ARL15: variants seen among roughly 807,000 people sequenced by gnomAD.
The protein encoded by ARL15 is ADP-ribosylation factor-like protein 15.
Under a neutral mutation model 25.2 loss-of-function variants are expected in ARL15, and 19 were observed. The observed-to-expected ratio is 0.75, with a 90% CI of 0.53 to 1.10. ARL15 has a LOEUF of 1.10. ARL15 is among the 50% of genes least tolerant of loss of function. The pLI, the probability that ARL15 is intolerant of heterozygous loss-of-function variation, is 0.00. For missense variants in ARL15, 220 were observed against 246.0 expected (o/e 0.89, Z 0.71); for synonymous variants, 94 against 86.8 (o/e 1.08, Z -0.46).
At chr5:54,219,807 G>T (rs1756319298) in intron 1 of ARL15, among the ~76,000 whole-genome samples, 1 of 152,136 alleles carries the variant, frequency 6.6e-6, no homozygotes, top group Non-Finnish European at 1.5e-5. Context: ...TGGCTAAAAA[G>T]TTCATTCCTG....
intron 4 of ARL15, among the ~76,000 whole-genome samples, chr5:53,977,354 CAAAAA>C (rs397884651): frequency 2.2e-5 from 2 of 90,254 alleles, no homozygotes. Context: ...GACTCCGCCT[CAAAAA>C]AAAAAAAAAA....
At chr5:54,220,651 C>T (rs907510292) in intron 1 of ARL15, among the ~76,000 whole-genome samples, 8 of 152,138 alleles carry the variant, frequency 5.3e-5, no homozygotes, top group Admixed American at 2.6e-4. Context: ...AAGAGACCTT[C>T]GGACGCCGCA....
rs1402857447 is a variant in ARL15 at position 53,886,541 on chromosome 5, C to A, written c.*20G>T. On this transcript the variant is annotated 3_prime_UTR_variant, in exon 5 of 5. Transcript: ENST00000504924. ...TGATAGGTTCAAGGCCTTTTGGGAGCCTGTTTTCTTTGCCAGATTTCACAT... is the reference window on the plus strand; with the variant it reads ...TGATAGGTTCAAGGCCTTTTGGGAGACTGTTTTCTTTGCCAGATTTCACAT... The A allele has an allele frequency of 7.1e-6, 11 of 1,550,302 alleles. No homozygotes were observed. Among genetic ancestry groups the A allele is most frequent in the Non-Finnish European group, 9.6e-6 (11 of 1,147,668 alleles).
At chr5:54,217,197 TTTC>T (rs1756232424) in intron 1 of ARL15, among the ~76,000 whole-genome samples, 1 of 68,258 alleles carries the variant, frequency 1.5e-5, no homozygotes, top group Non-Finnish European at 3.2e-5. Context: ...AGACAATGCT[TTTC>T]TTTTTTTTTT....
chr5:54,217,184 G>T (rs1402887829), intron 1 of ARL15, among the ~76,000 whole-genome samples: 3 of 140,500 alleles, frequency 2.1e-5, no homozygotes, highest in Admixed American at 7.6e-5. Flanking sequence ...TGGAATTTTA[G>T]TAAGACAATG....
intron 4 of ARL15, among the ~76,000 whole-genome samples, chr5:53,925,149 T>C (rs563794709): frequency 6.6e-6 from 1 of 152,148 alleles, no homozygotes; most frequent in East Asian, 1.9e-4. Context: ...CTTGTGCTAC[T>C]TCCTAACTTG....
chr5:54,259,227 C>T (rs1411767110), intron 1 of ARL15, among the ~76,000 whole-genome samples: 1 of 152,206 alleles, frequency 6.6e-6, no homozygotes, highest in Non-Finnish European at 1.5e-5. Context: ...ACTCACCCCA[C>T]ATACACACAC....
chr5:54,205,940 C>G (rs1469516614), intron 1 of ARL15, among the ~76,000 whole-genome samples: 10 of 152,148 alleles, frequency 6.6e-5, no homozygotes, highest in Non-Finnish European at 7.4e-5. Flanking sequence ...TCTAGTGGAA[C>G]AGACTAAATT....
At position 54,032,171 on chromosome 5, in the gene ARL15, T is replaced by C. The variant is rs1750011938; in HGVS notation, c.462+81031A>G. 3.3e-5 allele frequency among the ~76,000 whole-genome samples: 5 copies of C among 152,170 alleles called. No homozygotes were observed. The South Asian group carries it at 1.0e-3, about 32-fold the overall frequency. ...AGAGAGAAAATTTAGAAGACTCTTC[T>C]GGCTTTTAAATTTTTCTTAGGTCTA... On this transcript the variant is annotated intron_variant, in intron 4 of 4. Transcript: ENST00000504924.
At chr5:53,920,913 C>A (rs1275201831) in intron 4 of ARL15, among the ~76,000 whole-genome samples, 1 of 151,974 alleles carries the variant, frequency 6.6e-6, no homozygotes, top group African/African-American at 2.4e-5. Flanking sequence ...TTGTGATGTC[C>A]CCTTTTTGTG....
chr5:54,271,302 G>C (rs1486785884), intron 1 of ARL15, among the ~76,000 whole-genome samples: 3 of 152,136 alleles, frequency 2.0e-5, no homozygotes. Flanking sequence ...CAGTATCCAA[G>C]GGGAATTGGT....
At chr5:54,286,966 A>G (rs1373223313) in intron 1 of ARL15, among the ~76,000 whole-genome samples, 1 of 150,478 alleles carries the variant, frequency 6.6e-6, no homozygotes, top group Non-Finnish European at 1.5e-5. Flanking sequence ...CCTCCTGTCC[A>G]GGATTGCCTC....
intron 1 of ARL15, among the ~76,000 whole-genome samples, chr5:54,294,205 C>T (rs956148604): frequency 1.3e-5 from 2 of 152,328 alleles, no homozygotes; most frequent in Admixed American, 6.5e-5. Context: ...ACTAACCCAG[C>T]GGCTGGCAAA....
chr5:53,984,416 A>G (rs937701490), intron 4 of ARL15, among the ~76,000 whole-genome samples: 3 of 151,770 alleles, frequency 2.0e-5, no homozygotes, highest in Non-Finnish European at 4.4e-5. Context: ...TTTGCTTTCA[A>G]TCTATAAGCT....
chr5:54,015,001 C>T (rs1749368468), intron 4 of ARL15, among the ~76,000 whole-genome samples: 2 of 151,894 alleles, frequency 1.3e-5, no homozygotes, highest in South Asian at 4.2e-4. Flanking sequence ...TACAAATATT[C>T]CTAAACCCAG....
intron 4 of ARL15, among the ~76,000 whole-genome samples, chr5:54,082,721 G>C (rs1751841605): frequency 6.6e-6 from 1 of 152,086 alleles, no homozygotes; most frequent in Non-Finnish European, 1.5e-5. Context: ...TTAATGCTCA[G>C]AAGGAAGATG....
chr5:54,262,883 G>C (rs180886526), intron 1 of ARL15, among the ~76,000 whole-genome samples: 34 of 152,264 alleles, frequency 2.2e-4, no homozygotes, highest in African/African-American at 8.2e-4. Context: ...CTTTAATTCT[G>C]TTTGCCGGGC....
At chr5:53,972,059 G>C (rs1411010761) in intron 4 of ARL15, among the ~76,000 whole-genome samples, 1 of 152,084 alleles carries the variant, frequency 6.6e-6, no homozygotes, top group South Asian at 2.1e-4. Flanking sequence ...GTAAGTTTTT[G>C]ACTGTTGAAC....
At chr5:54,044,492 G>T (rs1463310747) in intron 4 of ARL15, among the ~76,000 whole-genome samples, 1 of 151,978 alleles carries the variant, frequency 6.6e-6, no homozygotes, top group African/African-American at 2.4e-5. Context: ...TGATCCACCC[G>T]CCTTGGCCTC....
Sources: allele counts gnomAD v4.1 joint callset (sites outside exome capture counted in the v4.1 genomes callset), GRCh38; gene constraint gnomAD v4.1.1; transcripts MANE v1.5; gene names NCBI Gene and HGNC (gene_info 2026-07-23, HGNC 2026-07-21).